SBF2: variants seen among roughly 807,000 people sequenced by gnomAD.
SBF2 encodes the protein myotubularin-related protein 13.
Under a neutral mutation model 225.2 loss-of-function variants are expected in SBF2, and 112 were observed. That is an observed-to-expected ratio of 0.50 (90% CI 0.43 to 0.58). The LOEUF is 0.58. Among genes scored for constraint, SBF2 ranks in the 20% least tolerant of loss-of-function variants. The probability of loss-of-function intolerance (pLI) is 0.00; values close to 1 mark genes in which losing one functional copy is unlikely to be tolerated. For synonymous variants in SBF2, 763 were observed against 773.3 expected (o/e 0.99, Z 0.22); for missense variants, 1,996 against 2,206.2 (o/e 0.90, Z 1.91).
intron 6 of SBF2, among the ~76,000 whole-genome samples, chr11:10,008,001 T>C (rs1948272328): frequency 6.6e-6 from 1 of 152,186 alleles, no homozygotes; most frequent in Non-Finnish European, 1.5e-5. Context: ...GCAAATTCTG[T>C]CTAAGGGAGA....
intron 2 of SBF2, among the ~76,000 whole-genome samples, chr11:10,061,605 T>C (rs1950448901): frequency 6.6e-6 from 1 of 150,838 alleles, no homozygotes; most frequent in Non-Finnish European, 1.5e-5. Context: ...ACACATAAAA[T>C]AATAAAATAC....
intron 2 of SBF2, among the ~76,000 whole-genome samples, chr11:10,153,153 T>G (rs987570556): frequency 6.6e-6 from 1 of 152,188 alleles, no homozygotes; most frequent in African/African-American, 2.4e-5. Context: ...TGTTTAGGAA[T>G]AGTAACTCTG....
chr11:10,146,703 A>G (rs1029580044), intron 2 of SBF2, among the ~76,000 whole-genome samples: 7 of 152,214 alleles, frequency 4.6e-5, no homozygotes, highest in South Asian at 2.1e-4. Context: ...CAATTGCAAC[A>G]AAAGAAAAAT....
At chr11:10,167,901 C>G (rs191879124) in intron 2 of SBF2, among the ~76,000 whole-genome samples, 2 of 152,276 alleles carry the variant, frequency 1.3e-5, no homozygotes, top group East Asian at 3.9e-4. Flanking sequence ...GCCTGTAATC[C>G]CAGCTACTTG....
At chr11:9,900,839 C>T (rs772205311) in intron 16 of SBF2, among the ~76,000 whole-genome samples, 4 of 152,084 alleles carry the variant, frequency 2.6e-5, no homozygotes, top group Admixed American at 1.3e-4. Context: ...TGGGCTCAAG[C>T]GATCCTCCTG....
At chr11:10,139,548 A>G (rs1030822184) in intron 2 of SBF2, among the ~76,000 whole-genome samples, 8 of 152,334 alleles carry the variant, frequency 5.3e-5, no homozygotes, top group African/African-American at 1.9e-4. Context: ...TTTAAAGCAG[A>G]TAAGACAGGA....
intron 29 of SBF2, among the ~76,000 whole-genome samples, chr11:9,815,608 G>C (rs1021574700): frequency 1.3e-5 from 2 of 152,158 alleles, no homozygotes; most frequent in Non-Finnish European, 2.9e-5. Context: ...GAAATTATGT[G>C]CAAAGAGAAT....
chr11:9,934,656 G>T (rs796645651), intron 16 of SBF2, among the ~76,000 whole-genome samples: 27 of 152,162 alleles, frequency 1.8e-4, no homozygotes, highest in African/African-American at 6.0e-4. Flanking sequence ...TTCAACATAC[G>T]CAAATCAATA....
intron 2 of SBF2, among the ~76,000 whole-genome samples, chr11:10,104,868 A>C (rs1385259096): frequency 1.3e-5 from 2 of 152,254 alleles, no homozygotes; most frequent in Non-Finnish European, 2.9e-5. Flanking sequence ...TCGTTTCAGA[A>C]GTCATCTTTG....
At chr11:10,201,390 T>A (rs1287319471) in intron 1 of SBF2, among the ~76,000 whole-genome samples, 1 of 152,212 alleles carries the variant, frequency 6.6e-6, no homozygotes, top group Non-Finnish European at 1.5e-5. Context: ...TAAGTAGATC[T>A]AATTGTGCCA....
intron 1 of SBF2, among the ~76,000 whole-genome samples, chr11:10,218,497 T>A (rs1475866043): frequency 6.6e-6 from 1 of 151,982 alleles, no homozygotes. Context: ...AATCATGCCT[T>A]CCCAGCAGTC....
rs184484664 is a variant in SBF2, at chr11:10,228,567, A to G, written c.56-34580T>C. Among the ~76,000 whole-genome samples the G allele has an allele frequency of 8.2e-4, 125 of 152,294 alleles. 1 individual carries two copies. The Middle Eastern group carries it at 0.02, about 25-fold the overall frequency. On this transcript the variant is annotated intron_variant, in intron 1 of 39. Coordinates refer to ENST00000256190, the MANE Select transcript of SBF2 (RefSeq NM_030962.4). The stretch of plus-strand genomic sequence containing the variant: ...ATTTTCAAAGGCCTTTTCTGCATCT[A>G]TTGAGATAATCATGTGGTTTTTGTC...
intron 1 of SBF2, among the ~76,000 whole-genome samples, chr11:10,205,993 T>A (rs775060575): frequency 1.3e-5 from 2 of 151,854 alleles, no homozygotes; most frequent in Non-Finnish European, 1.5e-5. Context: ...GAGACTCCAC[T>A]GTAACAAGCA....
At chr11:9,781,430 G>C in intron 39 of SBF2, 77 bp downstream of exon 39, 1 of 1,590,226 alleles carries the variant, frequency 6.3e-7, no homozygotes, top group Non-Finnish European at 8.6e-7. Flanking sequence ...CAATTACTCT[G>C]AGGGCTCCAT....
At chr11:9,837,583 T>A (rs1322451104) in intron 26 of SBF2, among the ~76,000 whole-genome samples, 1 of 152,268 alleles carries the variant, frequency 6.6e-6, no homozygotes, top group African/African-American at 2.4e-5. Flanking sequence ...TTTGTCATTA[T>A]CAACCATCCT....
chr11:9,985,556 C>T (rs1256418783), intron 13 of SBF2, among the ~76,000 whole-genome samples: 1 of 152,192 alleles, frequency 6.6e-6, no homozygotes, highest in Non-Finnish European at 1.5e-5. Flanking sequence ...CTCCTGACTT[C>T]AGGTGATCCT....
At chr11:10,098,687 A>G (rs753652158) in intron 2 of SBF2, among the ~76,000 whole-genome samples, 10,650 of 129,238 alleles carry the variant, frequency 0.082, 517 homozygotes, top group Non-Finnish European at 0.11. Context: ...ATGCACACAC[A>G]CACACACACA....
intron 6 of SBF2, among the ~76,000 whole-genome samples, chr11:10,021,607 C>A (rs930326331): frequency 6.6e-6 from 1 of 152,094 alleles, no homozygotes; most frequent in African/African-American, 2.4e-5. Context: ...AAAACAAATT[C>A]ATTATCATAA....
At position 9,784,361 on chromosome 11, in the gene SBF2, G is replaced by C; in HGVS notation, c.5309C>G (p.Thr1770Arg). 1 of 1,613,300 alleles carries C rather than the reference G, an allele frequency of 6.2e-7. No individual in the cohort carries two copies. Among genetic ancestry groups the C allele is most frequent in the Non-Finnish European group, 8.5e-7 (1 of 1,179,208 alleles). ...CTTTAAGAGTATTACCTGATGTTTTGTTACATCCAAAACAAACCAACGGGG... is the reference window on the plus strand; with the variant it reads ...CTTTAAGAGTATTACCTGATGTTTTCTTACATCCAAAACAAACCAACGGGG... ...WKPRWFVLDV[T>R]KHQLRYYDSG... Residue 1770 changes from threonine (T) to arginine (R), a missense_variant, in exon 38 of 40, where the codon ACA (threonine) becomes AGA (arginine). Thr to Arg is a moderately conservative substitution (Grantham distance 71). Transcript: ENST00000256190.
Sources: allele counts gnomAD v4.1 joint callset (sites outside exome capture counted in the v4.1 genomes callset), GRCh38; gene constraint gnomAD v4.1.1; transcripts MANE v1.5; gene names NCBI Gene and HGNC (gene_info 2026-07-23, HGNC 2026-07-21).